Variants in FMO5 observed in about 807,000 individuals in gnomAD.
FMO5 encodes flavin containing dimethylaniline monoxygenase 5.
Under a neutral mutation model 43.6 loss-of-function variants are expected in FMO5, and 51 were observed. The observed-to-expected ratio is 1.17, with a 90% CI of 0.93 to 1.48. The LOEUF is 1.48. Ranked by LOEUF, FMO5 falls within the 40% of genes most tolerant of loss-of-function variation. The pLI is 0.00. For synonymous variants in FMO5, 187 were observed against 216.5 expected (o/e 0.86, Z 1.20); for missense variants, 644 against 643.0 (o/e 1.00, Z -0.02).
chr1:147,212,643 A>T lies in FMO5; in HGVS notation c.488-108T>A, dbSNP rs1219198419. 12 of 1,044,166 alleles carry T rather than the reference A, an allele frequency of 1.1e-5. No homozygotes were observed. In the African/African-American group the frequency reaches 1.9e-4, roughly 17 times the overall value. 64.7% of individuals were successfully genotyped at this position (1,044,166 alleles called of 1,614,324 possible). A position where few individuals can be genotyped will look rare whatever the true frequency, so the allele number is the denominator to read the frequency against. ...CTTAAGTTTAAGCATATATTCTCCA[A>T]GTGTTCTCTTTACTCAGCTACTTTC... On this transcript the variant is annotated intron_variant, in intron 4 of 8. Coordinates refer to ENST00000254090, the MANE Select transcript of FMO5 (RefSeq NM_001461.4).
At chr1:147,189,515 C>A (rs1656286791) in intron 8 of FMO5, among the ~76,000 whole-genome samples, 1 of 152,130 alleles carries the variant, frequency 6.6e-6, no homozygotes, top group Non-Finnish European at 1.5e-5. Context: ...CTCTTTAGGC[C>A]TGGAATGATT....
intron 6 of FMO5, among the ~76,000 whole-genome samples, chr1:147,206,780 G>A (rs1660143771): frequency 6.6e-6 from 1 of 152,018 alleles, no homozygotes. Context: ...GGAAGAGTGG[G>A]GAAGCATAGC....
intron 2 of FMO5, among the ~76,000 whole-genome samples, chr1:147,222,965 A>G (rs1663317743): frequency 6.6e-6 from 1 of 152,216 alleles, no homozygotes; most frequent in Non-Finnish European, 1.5e-5. Context: ...CTACTGAATA[A>G]TAACCAACAT....
chr1:147,215,264 T>C (rs1187864518), intron 3 of FMO5: 3 of 152,366 alleles, frequency 2.0e-5, no homozygotes, highest in African/African-American at 7.2e-5. Context: ...GTTTTTATTC[T>C]GCAATTCCAT....
chr1:147,194,084 T>C (rs1657460121), intron 7 of FMO5, among the ~76,000 whole-genome samples: 1 of 152,164 alleles, frequency 6.6e-6, no homozygotes, highest in Non-Finnish European at 1.5e-5. Context: ...GTCTCGTTGA[T>C]CTGTCTAATG....
In FMO5 at chr1:147,198,854, A is replaced by AG. The variant is rs1658472452; in HGVS notation, c.1183+2297_1183+2298insC. 1.4e-5 allele frequency among the ~76,000 whole-genome samples: 2 copies of AG among 143,620 alleles called. 1 individual carries two copies. The highest frequency in any genetic ancestry group is 1.4e-4 in the Admixed American group (2 of 14,530). The allele number at this position is 143,620 out of a possible 152,430, so 94.2% of individuals were successfully genotyped here. A position where few individuals can be genotyped will look rare whatever the true frequency, so the allele number is the denominator to read the frequency against. ...CGACAGAGCGAGACTGCATCTCAAA[A>AG]AAAAAAAAAAAAAAAAAAAAAGAAA... On this transcript the variant is annotated intron_variant, in intron 7 of 8. Coordinates refer to ENST00000254090, the MANE Select transcript of FMO5 (RefSeq NM_001461.4).
chr1:147,203,504 C>T, intron 6 of FMO5: 1 of 863,710 alleles, frequency 1.2e-6, no homozygotes, highest in Non-Finnish European at 2.0e-6. Flanking sequence ...TTATTTCCTT[C>T]TTGAGGTACT....
rs782412408 is a variant in FMO5, at chr1:147,190,250, C to A, written c.1184-1G>T. On this transcript the variant is annotated splice_acceptor_variant, in intron 7 of 8. Transcript: ENST00000254090. LOFTEE classifies it high-confidence loss of function. ...CTCTGTGAGGGCAATGTCTTTAGAC[C>A]TAAAAACAAAAATTAACATTTTAAC... The A allele has an allele frequency of 6.3e-7, 1 of 1,592,340 alleles. No individual in the cohort carries two copies. Among genetic ancestry groups the A allele is most frequent in the East Asian group, 2.2e-5 (1 of 44,520 alleles).
intron 8 of FMO5, among the ~76,000 whole-genome samples, chr1:147,189,844 C>T (rs1360431655): frequency 2.6e-5 from 4 of 152,160 alleles, no homozygotes; most frequent in African/African-American, 9.7e-5. Flanking sequence ...CTTCCTTCCT[C>T]TGGCAAGTCT....
At chr1:147,194,078 C>T (rs587700196) in intron 7 of FMO5, among the ~76,000 whole-genome samples, 18 of 152,142 alleles carry the variant, frequency 1.2e-4, no homozygotes, top group Non-Finnish European at 1.8e-4. Context: ...CCTTCTGTCT[C>T]GTTGATCTGT....
chr1:147,190,975 T>C (rs1553918324), intron 7 of FMO5, among the ~76,000 whole-genome samples: 1 of 152,052 alleles, frequency 6.6e-6, no homozygotes, highest in African/African-American at 2.4e-5. Flanking sequence ...AGAATGATGG[T>C]TTCCAGTTTA....
rs782673844 is a variant in FMO5 at position 147,208,920 on chromosome 1, G to T, written c.762C>A (p.Asn254Lys). 1.2e-6 allele frequency: 2 copies of T among 1,614,042 alleles called. No individual in the cohort carries two copies. The highest frequency in any genetic ancestry group is 3.3e-5 in the Admixed American group (2 of 60,014). The change falls in exon 6 of 9, where the codon AAC becomes AAA. Residue 254 changes from asparagine to lysine, a missense_variant. Transcript: ENST00000254090. ...IWKICGQSLA[N>K]KYLEKKINQR... ...GGTTTATCTTTTTTTCCAAATATTTGTTTGCTAATGATTGGCCACAGATCT... is the reference window on the plus strand; with the variant it reads ...GGTTTATCTTTTTTTCCAAATATTTTTTTGCTAATGATTGGCCACAGATCT...
In FMO5 at chr1:147,222,651, G is replaced by A. The variant is rs587616615; in HGVS notation, c.135+2244C>T. On this transcript the variant is annotated intron_variant, in intron 2 of 8. Transcript: ENST00000254090. ...ACGGTGAACCACACAGGTGTGGTCTGTTGGAACAGAAGTCAGAGCGTTATG... is the reference window on the plus strand; with the variant it reads ...ACGGTGAACCACACAGGTGTGGTCTATTGGAACAGAAGTCAGAGCGTTATG... Among the ~76,000 whole-genome samples the A allele has an allele frequency of 3.9e-5, 6 of 152,332 alleles. No homozygotes were observed. In the South Asian group the frequency reaches 1.0e-3, roughly 26 times the overall value.
At chr1:147,203,578 C>T in intron 6 of FMO5, 2 of 1,035,488 alleles carry the variant, frequency 1.9e-6, no homozygotes, top group Non-Finnish European at 3.1e-6. Context: ...GTATTTCTGC[C>T]AGTGCACGGG....
intron 3 of FMO5, chr1:147,215,525 T>A (rs1480321442): frequency 4.1e-6 from 2 of 487,362 alleles, no homozygotes; most frequent in Non-Finnish European, 7.2e-6. Flanking sequence ...ATGAAAACAC[T>A]CTGCCAGCTG....
In FMO5 at chr1:147,209,045, G is replaced by A. The variant is rs782078934; in HGVS notation, c.637C>T (p.Leu213Phe). 1 of 1,613,422 alleles carries A rather than the reference G, an allele frequency of 6.2e-7. No individual in the cohort carries two copies. Among genetic ancestry groups the A allele is most frequent in the Non-Finnish European group, 8.5e-7 (1 of 1,179,616 alleles). ...ATCCAAGCCCCTCTCCTGGTGCTGA[G>A]GAAAACCTGGGGCATGGAAGAAATT... is the stretch of plus-strand genomic sequence containing the variant. ...EISQTAKQVF[L>F]STRRGAWILN... Residue 213 changes from leucine (L) to phenylalanine (F), a missense_variant, in exon 6 of 9, where the codon CTC becomes TTC. Physicochemically the swap from Leu to Phe is conservative, Grantham distance 22 (BLOSUM62 0). Transcript: ENST00000254090.
At position 147,224,936 on chromosome 1, in the gene FMO5, A is replaced by T. The variant is rs1553927215; in HGVS notation, c.94T>A (p.Phe32Ile). Residue 32 changes from phenylalanine (F) to isoleucine (I), a missense_variant, in exon 2 of 9, where the codon TTT (phenylalanine) becomes ATT (isoleucine). Physicochemically the swap from Phe to Ile is conservative, Grantham distance 21 (BLOSUM62 0). Coordinates refer to ENST00000254090, the MANE Select transcript of FMO5 (RefSeq NM_001461.4). The part of the protein sequence containing the change: ...CVEEGLEPVC[F>I]ERTDDIGGLW... Reference sequence around the variant, plus strand: ...CCTCCGATGTCATCAGTCCTTTCAAAGCAGACAGGTTCCAAGCCTTCTTCT... The same window carrying T: ...CCTCCGATGTCATCAGTCCTTTCAATGCAGACAGGTTCCAAGCCTTCTTCT... The T allele has an allele frequency of 6.2e-7, 1 of 1,614,082 alleles. No individual in the cohort carries two copies. Among genetic ancestry groups the T allele is most frequent in the Non-Finnish European group, 8.5e-7 (1 of 1,179,992 alleles).
intron 6 of FMO5, among the ~76,000 whole-genome samples, chr1:147,203,103 C>T (rs1659319084): frequency 9.0e-6 from 1 of 110,854 alleles, no homozygotes; most frequent in Non-Finnish European, 1.7e-5. Context: ...ATTTAGTAGA[C>T]CAAAGGTTTC....
rs782473077 is a variant in FMO5, at chr1:147,188,225, T to G, written c.1257-980A>C. Among the ~76,000 whole-genome samples the G allele has an allele frequency of 7.2e-5, 11 of 152,062 alleles. No individual in the cohort carries two copies. The South Asian group carries it at 2.3e-3, about 32-fold the overall frequency. On this transcript the variant is annotated intron_variant, in intron 8 of 8. Transcript: ENST00000254090. ...TTTATCCTATAATAGTAGGTCAAGA[T>G]CTATACTATTCATGAGGTTGGGCGT... is the stretch of plus-strand genomic sequence containing the variant.
Sources: gnomAD v4.1 joint callset for allele counts (sites outside exome capture counted in the v4.1 genomes callset) on GRCh38, gnomAD v4.1.1 for gene constraint, MANE v1.5 for transcripts, NCBI Gene and HGNC (gene_info 2026-07-23, HGNC 2026-07-21) for gene names.